The following WIZ variants were observed in gnomAD, a reference collection of about 807,000 sequenced individuals.
WIZ encodes the protein WIZ zinc finger.
In WIZ, 25 loss-of-function variants were observed where a neutral mutation model predicts 140.2. The ratio of observed to expected loss-of-function variants is 0.18; its 90% CI spans 0.13 to 0.25. The LOEUF is 0.25. WIZ is among the 10% of genes least tolerant of loss of function. WIZ has a pLI of 1.00. For missense variants in WIZ, 2,231 were observed against 2,632.6 expected (o/e 0.85, Z 3.34); for synonymous variants, 1,125 against 1,154.3 (o/e 0.97, Z 0.51).
rs1158738345 is a variant in WIZ at position 15,421,526 on chromosome 19, CA to C, written c.*1549del. On this transcript the variant is annotated 3_prime_UTR_variant, in exon 13 of 13. Coordinates refer to ENST00000673675, the MANE Select transcript of WIZ (RefSeq NM_001371589.1). Reference sequence around the variant, plus strand: ...ACCACATGCAATAAACAAGAAGGAGCAGCCAACAAAATCTCTTAAAATCTCA... The same window carrying C: ...ACCACATGCAATAAACAAGAAGGAGCGCCAACAAAATCTCTTAAAATCTCA... The C allele has an allele frequency of 1.3e-5, 2 of 152,252 alleles. No homozygotes were observed. The highest frequency in any genetic ancestry group is 4.8e-5 in the African/African-American group (2 of 41,464). The allele number at this position is 152,252 out of a possible 1,614,324, so 9.4% of individuals were successfully genotyped here.
Position 15,425,024 on chromosome 19 carries a change from C to A in WIZ, c.4903G>T (p.Ala1635Ser). 1.3e-6 allele frequency: 2 copies of A among 1,584,574 alleles called. No homozygotes were observed. The highest frequency in any genetic ancestry group is 1.7e-6 in the Non-Finnish European group (2 of 1,168,120). ...TAAAGGCCACACAGCTCGCAGCAGG[C>A]CTCGGTGGCTGCGGGGCGGAGGGGG... is the stretch of plus-strand genomic sequence containing the variant. ...HEKTSHSSTE[A>S]CCELCGLYFE... is the part of the protein sequence containing the mutation. The change falls in exon 11 of 13, where the codon GCC (alanine) becomes TCC (serine). Residue 1635 changes from alanine (A) to serine (S), a missense_variant. This residue lies in a region of WIZ where 393 missense variants were observed against 451.7 expected (regional missense o/e 0.87). Coordinates refer to ENST00000673675, the MANE Select transcript of WIZ (RefSeq NM_001371589.1).
chr19:15,429,900 G>A lies in WIZ; in HGVS notation c.3101C>T (p.Pro1034Leu), dbSNP rs1057233515. The A allele has an allele frequency of 3.9e-5, 60 of 1,535,894 alleles. No individual in the cohort carries two copies. Among genetic ancestry groups the A allele is most frequent in the Non-Finnish European group, 5.2e-5 (60 of 1,146,748 alleles). ...GLPDAHLGLPPGLAKKSSSLK... is the reference protein window; with the variant it reads ...GLPDAHLGLPLGLAKKSSSLK... The stretch of plus-strand genomic sequence containing the variant: ...TGAGCTGGACTTCTTAGCCAGGCCT[G>A]GGGGCAGCCCAAGGTGGGCGTCAGG... Residue 1034 changes from proline to leucine, a missense_variant, in exon 7 of 13, where the codon CCA (proline) becomes CTA (leucine). By Grantham distance (98) the Pro-to-Leu change is moderately conservative. Transcript: ENST00000673675.
chr19:15,440,103 C>T lies in WIZ; in HGVS notation c.891G>A (p.Val297=). ...CATCTGGGCTGGCCACCCCTTCGGC[C>T]ACCTCCTCCAGCAGCTCACACAGGT... ...GPYLCELLEE[V]AEGVASPDED... The change falls in exon 4 of 13, where the codon GTG becomes GTA. Residue 297 remains valine (V), a synonymous_variant. Coordinates refer to ENST00000673675, the MANE Select transcript of WIZ (RefSeq NM_001371589.1). The surrounding 1 kb of genome is among the most constrained non-coding windows in gnomAD (Gnocchi z 6.2). The T allele has an allele frequency of 6.5e-7, 1 of 1,534,450 alleles. No individual in the cohort carries two copies. The highest frequency in any genetic ancestry group is 8.7e-7 in the Non-Finnish European group (1 of 1,146,028).
chr19:15,438,684 G>A lies in WIZ; in HGVS notation c.2310C>T (p.Gly770=), dbSNP rs1969605609. Residue 770 remains glycine (G), a synonymous_variant, in exon 4 of 13, where the codon GGC becomes GGT. Coordinates refer to ENST00000673675, the MANE Select transcript of WIZ (RefSeq NM_001371589.1). ...NGIGLANHVR[G]HLNRVGVSYN... ...AGCTGACGCCCACGCGGTTCAGGTGGCCCCGGACGTGGTTGGCCAAGCCGA... is the reference window on the plus strand; with the variant it reads ...AGCTGACGCCCACGCGGTTCAGGTGACCCCGGACGTGGTTGGCCAAGCCGA... 2.0e-6 allele frequency: 3 copies of A among 1,536,178 alleles called. No homozygotes were observed. In the Admixed American group the frequency reaches 5.9e-5, roughly 30 times the overall value.
At chr19:15,437,956 C>T (rs1969576720) in intron 4 of WIZ, among the ~76,000 whole-genome samples, 2 of 152,206 alleles carry the variant, frequency 1.3e-5, no homozygotes, top group Admixed American at 1.3e-4. Flanking sequence ...TGCCTGGTTT[C>T]CTGGTTGTCA....
Position 15,436,863 on chromosome 19 carries a change from G to C in WIZ, c.2683C>G (p.Leu895Val), listed in dbSNP as rs750540284. ...CAGGTGGGTGGAAAGGGCACCGTGA[G>C]AGGTAAGCGGGGCCGACGGGAGGTC... Reference protein sequence around the residue: ...FLTSRRPRLPLTVPFPPTWAE... With the variant: ...FLTSRRPRLPVTVPFPPTWAE... The change falls in exon 5 of 13, where the codon CTC becomes GTC. Residue 895 changes from leucine (L) to valine (V), a missense_variant. Leu to Val is a conservative substitution (Grantham distance 32). This residue lies in a region of WIZ where 137 missense variants were observed against 135.8 expected (regional missense o/e 1.01). Transcript: ENST00000673675. 1 of 1,612,532 alleles carries C rather than the reference G, an allele frequency of 6.2e-7. No individual in the cohort carries two copies. Among genetic ancestry groups the C allele is most frequent in the Admixed American group, 1.7e-5 (1 of 59,720 alleles).
rs1968553088 is a variant in WIZ at position 15,424,137 on chromosome 19, A to G, written c.5510+46T>C. The G allele has an allele frequency of 7.0e-7, 1 of 1,437,826 alleles. No homozygotes were observed. Among genetic ancestry groups the G allele is most frequent in the Non-Finnish European group, 9.2e-7 (1 of 1,092,658 alleles). 89.1% of individuals were successfully genotyped at this position (1,437,826 alleles called of 1,614,324 possible). On this transcript the variant is annotated intron_variant, in intron 12 of 12. Transcript: ENST00000673675. This position sits in a 1 kb window ranked among gnomAD's most constrained non-coding sequence, Gnocchi z 9.7. ...TCCTGTTCCAAGGCTCCGGGTGACCAAGGTCCACTCAGGTGGTCTCCCTCC... is the reference window on the plus strand; with the variant it reads ...TCCTGTTCCAAGGCTCCGGGTGACCGAGGTCCACTCAGGTGGTCTCCCTCC...
In WIZ at chr19:15,449,835, G is replaced by C. The variant is rs981992008; in HGVS notation, c.-98C>G. ...GCCGCCGGCCAGGTGCCGGGGCTCGGAGCTCCCCTCCTTGGTGCGGCCGTC... is the reference window on the plus strand; with the variant it reads ...GCCGCCGGCCAGGTGCCGGGGCTCGCAGCTCCCCTCCTTGGTGCGGCCGTC... On this transcript the variant is annotated 5_prime_UTR_variant, in exon 1 of 13. Coordinates refer to ENST00000673675, the MANE Select transcript of WIZ (RefSeq NM_001371589.1). 1 of 148,666 alleles carries C rather than the reference G, an allele frequency of 6.7e-6. No individual in the cohort carries two copies. Among genetic ancestry groups the C allele is most frequent in the Admixed American group, 6.7e-5 (1 of 14,930 alleles). 9.2% of individuals were successfully genotyped at this position (148,666 alleles called of 1,614,324 possible).
rs766717026 is a variant in WIZ, at chr19:15,434,787, G to A, written c.2740+2019C>T. ...TTCACTTGTCCACTCCCTTTGCAGT[G>A]CCCAGTCCTGGGCTCCTTCACCAAA... On this transcript the variant is annotated intron_variant, in intron 5 of 12. Transcript: ENST00000673675. Among the ~76,000 whole-genome samples the A allele has an allele frequency of 2.6e-5, 4 of 152,220 alleles. No homozygotes were observed. The South Asian group carries it at 8.3e-4, about 32-fold the overall frequency.
intron 2 of WIZ, among the ~76,000 whole-genome samples, chr19:15,443,142 G>A (rs1969801918): frequency 6.6e-6 from 1 of 152,202 alleles, no homozygotes; most frequent in Non-Finnish European, 1.5e-5. Context: ...CACAATCTCG[G>A]CTCACTGCAA....
intron 5 of WIZ, among the ~76,000 whole-genome samples, chr19:15,435,777 G>A (rs574475426): frequency 6.6e-5 from 10 of 152,102 alleles, no homozygotes; most frequent in South Asian, 2.1e-4. Context: ...GACTGAGATC[G>A]CACCACTGCA....
chr19:15,439,242 T>C lies in WIZ; in HGVS notation c.1752A>G (p.Thr584=), dbSNP rs2145362252. The C allele has an allele frequency of 6.5e-7, 1 of 1,535,372 alleles. No individual in the cohort carries two copies. Among genetic ancestry groups the C allele is most frequent in the Non-Finnish European group, 8.7e-7 (1 of 1,146,490 alleles). The change falls in exon 4 of 13, where the codon ACA becomes ACG. Residue 584 remains threonine, a synonymous_variant. Transcript: ENST00000673675. The surrounding 1 kb of genome is among the most constrained non-coding windows in gnomAD (Gnocchi z 7.0). ...GTAAGGAGTAGGGGGTGGATGCTAG[T>C]GTGGAGGGAAAGGCCAGCCTTCCGA... The part of the protein sequence containing the change: ...RPLGRLAFPS[T]LASTPYSLQL...
intron 1 of WIZ, 91 bp downstream of exon 1, chr19:15,449,707 G>T (rs1490713027): frequency 1.4e-5 from 2 of 145,128 alleles, no homozygotes; most frequent in Non-Finnish European, 3.1e-5. Context: ...GCCCCGGGGG[G>T]TCCCGCCTGG....
intron 2 of WIZ, among the ~76,000 whole-genome samples, chr19:15,446,220 G>A (rs1176819412): frequency 6.6e-6 from 1 of 152,088 alleles, no homozygotes; most frequent in Non-Finnish European, 1.5e-5. Context: ...TTCCCCAGTG[G>A]GAGTGAGGAT....
chr19:15,432,393 G>T, intron 5 of WIZ: 12 of 979,760 alleles, frequency 1.2e-5, no homozygotes, highest in Non-Finnish European at 1.3e-5. Flanking sequence ...GCGGGATTCC[G>T]ACCTTCCCCT....
rs554252756 is a variant in WIZ at position 15,431,222 on chromosome 19, A to G, written c.2741-40T>C. On this transcript the variant is annotated intron_variant, in intron 5 of 12. Coordinates refer to ENST00000673675, the MANE Select transcript of WIZ (RefSeq NM_001371589.1). The stretch of plus-strand genomic sequence containing the variant: ...GACAGGCTCAGCCCAGACAAATTTC[A>G]GGCTGTCTATACCCAGAACTAAGAA... The G allele has an allele frequency of 3.6e-5, 53 of 1,477,172 alleles. No homozygotes were observed. In the South Asian group the frequency reaches 6.4e-4, roughly 18 times the overall value. 91.5% of individuals were successfully genotyped at this position (1,477,172 alleles called of 1,614,324 possible). A position where few individuals can be genotyped will look rare whatever the true frequency, so the allele number is the denominator to read the frequency against.
chr19:15,432,525 C>G (rs1319831820), intron 5 of WIZ: 1 of 251,150 alleles, frequency 4.0e-6, no homozygotes, highest in Non-Finnish European at 5.7e-6. Context: ...GTGGTGGTGG[C>G]GGCGGCGGCG....
In WIZ at chr19:15,436,978, G is replaced by A; in HGVS notation, c.2568C>T (p.Asn856=). ...AGGTGGCCAGCAGCTCCTGCAGGATGTTGATGGGTGAGACAGTGAGCTCCC... is the reference window on the plus strand; with the variant it reads ...AGGTGGCCAGCAGCTCCTGCAGGATATTGATGGGTGAGACAGTGAGCTCCC... The part of the protein sequence containing the change: ...TNWELTVSPI[N]ILQELLATSA... Residue 856 remains asparagine, a synonymous_variant, in exon 5 of 13, where the codon AAC becomes AAT. Coordinates refer to ENST00000673675, the MANE Select transcript of WIZ (RefSeq NM_001371589.1). 6.2e-7 allele frequency: 1 copy of A among 1,613,894 alleles called. No individual in the cohort carries two copies. The highest frequency in any genetic ancestry group is 8.5e-7 in the Non-Finnish European group (1 of 1,179,854).
intron 10 of WIZ, 67 bp from the exon 11 acceptor site, chr19:15,425,099 C>T: frequency 6.6e-7 from 1 of 1,507,222 alleles, no homozygotes; most frequent in Admixed American, 2.1e-5. Flanking sequence ...GATGGCCCTG[C>T]CCAGGCCAGG....
Sources: allele counts gnomAD v4.1 joint callset (sites outside exome capture counted in the v4.1 genomes callset), GRCh38; gene constraint gnomAD v4.1.1; regional missense constraint gnomAD v4.1.1; non-coding constraint Gnocchi (gnomAD v3.1); transcripts MANE v1.5; gene names NCBI Gene and HGNC (gene_info 2026-07-23, HGNC 2026-07-21).